CPLX4: variants seen among roughly 807,000 people sequenced by gnomAD.
CPLX4 encodes the protein complexin-4.
Under a neutral mutation model 16.1 loss-of-function variants are expected in CPLX4, and 17 were observed. The ratio of observed to expected loss-of-function variants is 1.06; its 90% CI spans 0.72 to 1.59. The LOEUF (loss-of-function observed/expected upper bound fraction) is 1.59. CPLX4 is among the 40% of genes most tolerant of loss of function. CPLX4 has a pLI of 0.00. For synonymous variants in CPLX4, 55 were observed against 57.8 expected, an observed-to-expected ratio of 0.95 and a Z score of 0.22; for missense variants, 193 against 192.9, an observed-to-expected ratio of 1.00 and a Z score of 0.00.
chr18:59,306,935 C>A (rs2070580497), intron 2 of CPLX4, among the ~76,000 whole-genome samples: 1 of 152,184 alleles, frequency 6.6e-6, no homozygotes, highest in Admixed American at 6.5e-5. Flanking sequence ...TGAATGCTTA[C>A]CCAATATGGG....
At chr18:59,313,212 A>G (rs928346285) in intron 1 of CPLX4, among the ~76,000 whole-genome samples, 3 of 152,146 alleles carry the variant, frequency 2.0e-5, no homozygotes, top group African/African-American at 7.2e-5. Flanking sequence ...AGTGATTCTT[A>G]CGCAAACTAA....
intron 2 of CPLX4, among the ~76,000 whole-genome samples, chr18:59,310,011 G>T (rs982564983): frequency 1.3e-5 from 2 of 152,046 alleles, no homozygotes; most frequent in African/African-American, 2.4e-5. Flanking sequence ...CTCCTGGGCT[G>T]CAGTTATCTC....
intron 2 of CPLX4, among the ~76,000 whole-genome samples, chr18:59,297,959 C>G (rs995123239): frequency 6.6e-6 from 1 of 152,238 alleles, no homozygotes; most frequent in African/African-American, 2.4e-5. Flanking sequence ...ATGGCCGCCA[C>G]TCAGCATACT....
In CPLX4 at chr18:59,296,611, A is replaced by G; in HGVS notation, c.*87T>C. On this transcript the variant is annotated 3_prime_UTR_variant, in exon 3 of 3. Transcript: ENST00000299721. ...TGGTTTTCCTAACTGTGTTCACTAC[A>G]TTAAAACATGTACTGCTTGAAACGT... The G allele has an allele frequency of 6.9e-7, 1 of 1,458,858 alleles. No homozygotes were observed. Among genetic ancestry groups the G allele is most frequent in the Non-Finnish European group, 9.4e-7 (1 of 1,068,932 alleles). The allele number at this position is 1,458,858 out of a possible 1,614,324, so 90.4% of individuals were successfully genotyped here. A position where few individuals can be genotyped will look rare whatever the true frequency, so the allele number is the denominator to read the frequency against.
At chr18:59,308,327 C>T (rs1011774571) in intron 2 of CPLX4, among the ~76,000 whole-genome samples, 7 of 152,162 alleles carry the variant, frequency 4.6e-5, no homozygotes, top group Non-Finnish European at 8.8e-5. Flanking sequence ...CCCTCGATTG[C>T]TGTCGTTTCA....
intron 2 of CPLX4, among the ~76,000 whole-genome samples, chr18:59,301,034 C>CT (rs1469787716): frequency 6.6e-6 from 1 of 152,228 alleles, no homozygotes; most frequent in Non-Finnish European, 1.5e-5. Context: ...ACCTGGCCCT[C>CT]TTTTTTTTCC....
intron 2 of CPLX4, among the ~76,000 whole-genome samples, chr18:59,311,789 C>T (rs1320305485): frequency 2.0e-5 from 3 of 152,178 alleles, no homozygotes; most frequent in Non-Finnish European, 4.4e-5. Context: ...GATGCAAGCC[C>T]TGGAATAGTA....
intron 1 of CPLX4, among the ~76,000 whole-genome samples, chr18:59,315,198 T>G (rs1214398398): frequency 6.6e-6 from 1 of 152,226 alleles, no homozygotes; most frequent in Non-Finnish European, 1.5e-5. Flanking sequence ...TTTTGTCTTT[T>G]TGATTTTAGC....
intron 2 of CPLX4, among the ~76,000 whole-genome samples, chr18:59,297,472 G>T (rs1405958193): frequency 6.6e-6 from 1 of 151,980 alleles, no homozygotes; most frequent in Non-Finnish European, 1.5e-5. Flanking sequence ...TAGAGACGGG[G>T]TTTCACCATG....
At chr18:59,316,310 T>C (rs2070651132) in intron 1 of CPLX4, among the ~76,000 whole-genome samples, 1 of 152,180 alleles carries the variant, frequency 6.6e-6, no homozygotes, top group Non-Finnish European at 1.5e-5. Context: ...TGAATGTGCA[T>C]TATTAAATAG....
chr18:59,300,546 A>C (rs931957682), intron 2 of CPLX4, among the ~76,000 whole-genome samples: 3 of 152,020 alleles, frequency 2.0e-5, no homozygotes, highest in Non-Finnish European at 4.4e-5. Context: ...TAGTTCTACC[A>C]CTTATAGGAT....
In CPLX4 at chr18:59,296,756, G is replaced by T. The variant is rs1284257246; in HGVS notation, c.425C>A (p.Ala142Asp). 3 of 1,613,642 alleles carry T rather than the reference G, an allele frequency of 1.9e-6. No individual in the cohort carries two copies. Among genetic ancestry groups the T allele is most frequent in the Non-Finnish European group, 2.5e-6 (3 of 1,179,982 alleles). The change falls in exon 3 of 3, where the codon GCC (alanine) becomes GAC (aspartate). Residue 142 changes from alanine (A) to aspartate (D), a missense_variant. Transcript: ENST00000299721. ...CTTGATTTCAGTGAAGGTGGCCTGG[G>T]CTTTTTCTTTTATGGTATCCAAGTC... The part of the protein sequence containing the change: ...NMDLDTIKEK[A>D]QATFTEIKQT...
intron 1 of CPLX4, among the ~76,000 whole-genome samples, chr18:59,313,657 G>A (rs564666001): frequency 5.9e-5 from 9 of 152,156 alleles, no homozygotes; most frequent in Non-Finnish European, 1.3e-4. Flanking sequence ...TGAAAATTTG[G>A]GAATGGTACT....
At chr18:59,297,887 C>T (rs546943335) in intron 2 of CPLX4, among the ~76,000 whole-genome samples, 78 of 152,260 alleles carry the variant, frequency 5.1e-4, no homozygotes, top group South Asian at 2.1e-3. Context: ...AACTTTCCAC[C>T]GTTAGCACCT....
intron 1 of CPLX4, 37 bp downstream of exon 1, chr18:59,318,259 T>C (rs950804348): frequency 5.2e-6 from 8 of 1,531,398 alleles, no homozygotes; most frequent in Admixed American, 4.0e-5. Context: ...ATGAATTTCC[T>C]TTGCTTTTTA....
At chr18:59,315,856 A>G (rs1194662724) in intron 1 of CPLX4, among the ~76,000 whole-genome samples, 1 of 152,172 alleles carries the variant, frequency 6.6e-6, no homozygotes, top group East Asian at 1.9e-4. Context: ...CGATTTGTTG[A>G]TACTAATGCC....
chr18:59,304,924 A>T (rs1320579314), intron 2 of CPLX4, among the ~76,000 whole-genome samples: 3 of 142,146 alleles, frequency 2.1e-5, no homozygotes, highest in East Asian at 2.1e-4. Flanking sequence ...CTCAACAATC[A>T]GTGTGTGTGT....
At chr18:59,301,671 C>T (rs1174620223) in intron 2 of CPLX4, among the ~76,000 whole-genome samples, 1 of 152,236 alleles carries the variant, frequency 6.6e-6, no homozygotes, top group Non-Finnish European at 1.5e-5. Flanking sequence ...AGCCCTAGAC[C>T]TAGAACTGGC....
At chr18:59,300,107 G>T (rs980295698) in intron 2 of CPLX4, among the ~76,000 whole-genome samples, 3 of 152,184 alleles carry the variant, frequency 2.0e-5, no homozygotes, top group African/African-American at 7.2e-5. Flanking sequence ...TGAGGCGGGG[G>T]GATCACCTGA....
Sources: allele counts gnomAD v4.1 joint callset (sites outside exome capture counted in the v4.1 genomes callset), GRCh38; gene constraint gnomAD v4.1.1; transcripts MANE v1.5; gene names NCBI Gene and HGNC (gene_info 2026-07-23, HGNC 2026-07-21).